The following TENM3 variants were observed in gnomAD, a reference collection of about 807,000 sequenced individuals.
TENM3 encodes teneurin-3.
A neutral mutation model predicts 255.1 loss-of-function variants in TENM3; 63 were observed. That is an observed-to-expected ratio of 0.25 (90% CI 0.20 to 0.30). TENM3 has a LOEUF of 0.30. Ranked by LOEUF, TENM3 falls within the 10% of genes least tolerant of loss-of-function variation. TENM3 has a pLI of 1.00. For missense variants in TENM3, 2,929 were observed against 3,461.1 expected (o/e 0.85, Z 3.86); for synonymous variants, 1,306 against 1,322.3 (o/e 0.99, Z 0.27).
At chr4:182,680,444 G>GT (rs372583256) in intron 9 of TENM3, 95 bp downstream of exon 9, 68 of 1,413,844 alleles carry the variant, frequency 4.8e-5, no homozygotes, top group African/African-American at 3.2e-4. Flanking sequence ...GAAAGGGGGG[G>GT]GGAGACTGGC....
At chr4:182,755,290 A>G in intron 22 of TENM3, 31 bp downstream of exon 22, 16 of 1,482,766 alleles carry the variant, frequency 1.1e-5, no homozygotes, top group Non-Finnish European at 1.4e-5. Flanking sequence ...CTCTGATTAT[A>G]AAATACTGTG....
At chr4:181,850,311 A>G in the TENM3 span, among the ~76,000 whole-genome samples, 2 of 152,176 alleles carry the variant, frequency 1.3e-5, no homozygotes, top group Non-Finnish European at 2.9e-5. Flanking sequence ...TTGATTAACA[A>G]GAGATTAAAT....
intron 1 of TENM3, among the ~76,000 whole-genome samples, chr4:182,187,564 G>A (rs1277119866): frequency 6.6e-6 from 1 of 151,892 alleles, no homozygotes; most frequent in East Asian, 1.9e-4. Flanking sequence ...TTTTTTAAAG[G>A]GCAGAGCTCA....
At chr4:182,701,106 A>G (rs1757820068) in intron 12 of TENM3, among the ~76,000 whole-genome samples, 1 of 151,968 alleles carries the variant, frequency 6.6e-6, no homozygotes, top group South Asian at 2.1e-4. Context: ...GGTTAAACAT[A>G]AGCAATCTAA....
chr4:182,688,281 C>T lies in TENM3; in HGVS notation c.2151C>T (p.Ala717=), dbSNP rs772260561. 6 of 1,613,876 alleles carry T rather than the reference C, an allele frequency of 3.7e-6. No homozygotes were observed. The highest frequency in any genetic ancestry group is 1.3e-5 in the African/African-American group (1 of 75,026). The change falls in exon 12 of 28, where the codon GCC becomes GCT. Residue 717 remains alanine (A), a synonymous_variant. Coordinates refer to ENST00000511685, the MANE Select transcript of TENM3 (RefSeq NM_001080477.4). The part of the protein sequence containing the change: ...CNQRACHPRC[A]EHGTCKDGKC... ...AGAGAGCCTGCCACCCCCGCTGTGC[C>T]GAGCACGGGACCTGCAAGGATGGCA...
intron 6 of TENM3, among the ~76,000 whole-genome samples, chr4:182,662,059 C>T (rs1031184102): frequency 1.3e-5 from 2 of 152,140 alleles, no homozygotes; most frequent in Admixed American, 1.3e-4. Context: ...GTCCTTACAG[C>T]ATCTCGGTTG....
intron 3 of TENM3, among the ~76,000 whole-genome samples, chr4:182,526,899 G>A (rs538839809): frequency 1.3e-5 from 2 of 152,168 alleles, no homozygotes; most frequent in African/African-American, 4.8e-5. Context: ...ACTACTATAT[G>A]TAATATTATT....
In TENM3 at chr4:182,535,409, T is replaced by A. The variant is rs370178080; in HGVS notation, c.512-65515T>A. Among the ~76,000 whole-genome samples the A allele has an allele frequency of 4.6e-5, 7 of 152,148 alleles. No individual in the cohort carries two copies. The East Asian group carries it at 1.2e-3, about 25-fold the overall frequency. ...GGCAGAATACTGCTTAGGCCAGGAT[T>A]TGGGCAGAGAGGGAGTCTTTTTTTC... On this transcript the variant is annotated intron_variant, in intron 3 of 27. Transcript: ENST00000511685.
At chr4:181,664,476 T>TA in the TENM3 span, among the ~76,000 whole-genome samples, 5,918 of 140,692 alleles carry the variant, frequency 0.042, 132 homozygotes, top group Non-Finnish European at 0.056. Flanking sequence ...GTCTAAAAAA[T>TA]AAAAAAAAAC....
chr4:182,371,339 T>C (rs1766799458), intron 3 of TENM3, among the ~76,000 whole-genome samples: 1 of 151,986 alleles, frequency 6.6e-6, no homozygotes, highest in Non-Finnish European at 1.5e-5. Flanking sequence ...TAACACCCTA[T>C]TTCTGTTCAA....
At chr4:182,353,269 G>A (rs1302584255) in intron 3 of TENM3, among the ~76,000 whole-genome samples, 1 of 152,106 alleles carries the variant, frequency 6.6e-6, no homozygotes, top group African/African-American at 2.4e-5. Flanking sequence ...GAAACACATG[G>A]CATTTCAGTG....
intron 13 of TENM3, among the ~76,000 whole-genome samples, chr4:182,723,017 T>C (rs1470515796): frequency 6.6e-6 from 1 of 152,210 alleles, no homozygotes. Context: ...AGCAGCAGCG[T>C]ATTTGGAGGA....
intron 12 of TENM3, among the ~76,000 whole-genome samples, chr4:182,707,335 A>G (rs1412316449): frequency 6.6e-6 from 1 of 152,174 alleles, no homozygotes; most frequent in African/African-American, 2.4e-5. Flanking sequence ...AAAAGATGCT[A>G]TTCCTTCCTG....
the TENM3 span, among the ~76,000 whole-genome samples, chr4:181,605,555 AAAG>A: frequency 5.7e-4 from 17 of 29,726 alleles, 4 homozygotes; most frequent in African/African-American, 1.2e-3. Flanking sequence ...AGAAAGAAAG[AAAG>A]AAAGAAAGAA....
intron 4 of TENM3, among the ~76,000 whole-genome samples, chr4:182,622,800 A>G (rs1750420947): frequency 6.6e-6 from 1 of 152,166 alleles, no homozygotes; most frequent in African/African-American, 2.4e-5. Context: ...TATTTATTGA[A>G]CACCTACAAC....
chr4:182,209,124 T>A (rs1348917915), intron 1 of TENM3, among the ~76,000 whole-genome samples: 1 of 152,050 alleles, frequency 6.6e-6, no homozygotes, highest in East Asian at 1.9e-4. Flanking sequence ...CGCGGCACCA[T>A]GCCCGGCCAA....
At chr4:181,664,487 A>AAC in the TENM3 span, among the ~76,000 whole-genome samples, 6 of 82,778 alleles carry the variant, frequency 7.2e-5, no homozygotes, top group African/African-American at 3.2e-4. Flanking sequence ...AAAAAAAAAC[A>AAC]AAACAAAAAA....
intron 7 of TENM3, among the ~76,000 whole-genome samples, chr4:182,676,753 T>C (rs1158054885): frequency 6.6e-6 from 1 of 152,258 alleles, no homozygotes; most frequent in Non-Finnish European, 1.5e-5. Context: ...AGACGGCTTA[T>C]TAATACATTG....
intron 22 of TENM3, among the ~76,000 whole-genome samples, chr4:182,760,132 G>A (rs1447488521): frequency 6.6e-6 from 1 of 151,958 alleles, no homozygotes; most frequent in Non-Finnish European, 1.5e-5. Context: ...TAGCTAACAG[G>A]GTCCCCTTGT....
Sources: gnomAD v4.1 joint callset for allele counts (sites outside exome capture counted in the v4.1 genomes callset) on GRCh38, gnomAD v4.1.1 for gene constraint, MANE v1.5 for transcripts, NCBI Gene and HGNC (gene_info 2026-07-23, HGNC 2026-07-21) for gene names.